MPP1: variants seen among roughly 807,000 people sequenced by gnomAD.
The protein encoded by MPP1 is MAGUK p55 scaffold protein 1, also known as 55 kDa erythrocyte membrane protein.
MPP1 carries 6 observed loss-of-function variants against 38.2 expected under a neutral mutation model. That is an observed-to-expected ratio of 0.16 (90% CI 0.09 to 0.31). The LOEUF is 0.31. Ranked by LOEUF, MPP1 falls within the 10% of genes least tolerant of loss-of-function variation. The pLI, the probability that MPP1 is intolerant of heterozygous loss-of-function variation, is 1.00. For missense variants in MPP1, 293 were observed against 368.9 expected, an observed-to-expected ratio of 0.79 and a Z score of 1.69; for synonymous variants, 153 against 146.3, an observed-to-expected ratio of 1.05 and a Z score of -0.33.
At chrX:154,783,957 T>C (rs2072038707) in intron 8 of MPP1, 71 bp downstream of exon 8, 4 of 990,182 alleles carry the variant, frequency 4.0e-6, no homozygotes, top group Non-Finnish European at 5.7e-6. Context: ...ACTGCCTTTT[T>C]TGGGGGTGGG....
At position 154,792,255 on chromosome X, in the gene MPP1, C is replaced by T. The variant is rs1557267846; in HGVS notation, c.133G>A (p.Glu45Lys). Residue 45 changes from glutamate to lysine, a missense_variant, in exon 2 of 12, where the codon GAG (glutamate) becomes AAG (lysine). Glu to Lys is a moderately conservative substitution (Grantham distance 56). Coordinates refer to ENST00000369534, the MANE Select transcript of MPP1 (RefSeq NM_002436.4). The part of the protein sequence containing the change: ...AVSHPLNTVT[E>K]DMYTNGSPAP... The stretch of plus-strand genomic sequence containing the variant: ...GGAGACCCGTTGGTGTACATGTCCT[C>T]GGTCACAGTATTCAATGGATGCGAT... The T allele has an allele frequency of 5.8e-6, 7 of 1,210,902 alleles. No individual in the cohort carries two copies. The highest frequency in any genetic ancestry group is 5.6e-6 in the Non-Finnish European group (5 of 894,873).
rs915949014 is a variant in MPP1 at position 154,786,310 on chromosome X, T to C, written c.571A>G (p.Ile191Val). ...TCATCCTTGTTGATAATCTGGATAA[T>C]GTCCCCAGTAGCAAACTTCAGTCCC... The part of the protein sequence containing the change: ...EAGLKFATGD[I>V]IQIINKDDSN... Residue 191 changes from isoleucine (I) to valine (V), a missense_variant, in exon 6 of 12, where the codon ATT (isoleucine) becomes GTT (valine). Coordinates refer to ENST00000369534, the MANE Select transcript of MPP1 (RefSeq NM_002436.4). The C allele has an allele frequency of 1.7e-6, 2 of 1,211,682 alleles. No individual in the cohort carries two copies. The highest frequency in any genetic ancestry group is 2.2e-6 in the Non-Finnish European group (2 of 895,411).
intron 10 of MPP1, 33 bp from the exon 11 acceptor site, chrX:154,781,346 G>T (rs782421732): frequency 5.7e-6 from 6 of 1,052,477 alleles, no homozygotes; most frequent in Non-Finnish European, 3.9e-6. Context: ...GCGGGGAGGG[G>T]GGGGAAGGAA....
rs147137829 is a variant in MPP1, at chrX:154,789,932, C to A, written c.480+22G>T. 1.5e-3 allele frequency: 1,712 copies of A among 1,145,072 alleles called. 17 individuals carry two copies. The African/African-American group carries it at 0.026, about 17-fold the overall frequency. The allele number at this position is 1,145,072 out of a possible 1,213,427, so 94.4% of individuals were successfully genotyped here. On this transcript the variant is annotated intron_variant, in intron 5 of 11. Coordinates refer to ENST00000369534, the MANE Select transcript of MPP1 (RefSeq NM_002436.4). ...GGCCCGACTCCTGCCATCATGACAA[C>A]AGAGAAAATGGTGCCACCCACCTGT... is the stretch of plus-strand genomic sequence containing the variant.
At position 154,792,251 on chromosome X, in the gene MPP1, T is replaced by A. The variant is rs1754928781; in HGVS notation, c.137A>T (p.Asp46Val). 1 of 1,210,980 alleles carries A rather than the reference T, an allele frequency of 8.3e-7. No homozygotes were observed. The highest frequency in any genetic ancestry group is 1.7e-5 in the African/African-American group (1 of 57,804). ...GGCAGGAGACCCGTTGGTGTACATGTCCTCGGTCACAGTATTCAATGGATG... is the reference window on the plus strand; with the variant it reads ...GGCAGGAGACCCGTTGGTGTACATGACCTCGGTCACAGTATTCAATGGATG... ...VSHPLNTVTE[D>V]MYTNGSPAPG... Residue 46 changes from aspartate (D) to valine (V), a missense_variant, in exon 2 of 12, where the codon GAC becomes GTC. Transcript: ENST00000369534.
intron 8 of MPP1, 36 bp from the exon 9 acceptor site, chrX:154,783,543 G>A (rs2072034170): frequency 9.0e-7 from 1 of 1,105,146 alleles, no homozygotes. Flanking sequence ...TTGGAAAGGG[G>A]GGAGAGGAGC....
chrX:154,790,019 CT>C lies in MPP1; in HGVS notation c.414del (p.Glu139LysfsTer5). The C allele has an allele frequency of 8.5e-7, 1 of 1,170,844 alleles. No individual in the cohort carries two copies. The highest frequency in any genetic ancestry group is 1.2e-6 in the Non-Finnish European group (1 of 863,721). On this transcript the variant is annotated frameshift_variant and splice_region_variant, in exon 5 of 12. Transcript: ENST00000369534. LOFTEE classifies it high-confidence loss of function. Reference protein sequence around the residue: ...HSVDQLQKAMKETKGMISLKV... With the variant: ...HSVDQLQKAMXETKGMISLKV... ...TTTAATGAGATCATTCCTTTGGTTT[CT>C]TTCTATTAAAAAAAATGGACATAAA...
At chrX:154,780,140 T>G (rs781817193) in intron 11 of MPP1, among the ~76,000 whole-genome samples, 1 of 112,961 alleles carries the variant, frequency 8.9e-6, no homozygotes, top group Middle Eastern at 4.6e-3. Flanking sequence ...TGAGACCCCA[T>G]TTCTACAAAA....
chrX:154,779,170 T>C lies in MPP1; in HGVS notation c.*7A>G, dbSNP rs2071957197. Reference sequence around the variant, plus strand: ...GGGCATACAGTGGGTTCCCCCATTCTACAAGCTTAGTAAACCCAGGAGACA... The same window carrying C: ...GGGCATACAGTGGGTTCCCCCATTCCACAAGCTTAGTAAACCCAGGAGACA... On this transcript the variant is annotated 3_prime_UTR_variant, in exon 12 of 12. Transcript: ENST00000369534. The C allele has an allele frequency of 8.3e-7, 1 of 1,205,191 alleles. No homozygotes were observed. The highest frequency in any genetic ancestry group is 3.0e-5 in the East Asian group (1 of 33,846).
In MPP1 at chrX:154,781,148, G is replaced by A. The variant is rs2071988557; in HGVS notation, c.1224+91C>T. 4 of 823,132 alleles carry A rather than the reference G, an allele frequency of 4.9e-6. No individual in the cohort carries two copies. In the Admixed American group the frequency reaches 1.1e-4, roughly 23 times the overall value. The allele number at this position is 823,132 out of a possible 1,213,427, so 67.8% of individuals were successfully genotyped here. ...AGCCCAGCTGGAGCTGTGACCTCCAGCCAGCACTCTGGCCAATGACCTGGA... is the reference window on the plus strand; with the variant it reads ...AGCCCAGCTGGAGCTGTGACCTCCAACCAGCACTCTGGCCAATGACCTGGA... On this transcript the variant is annotated intron_variant, in intron 11 of 11. Transcript: ENST00000369534.
intron 1 of MPP1, among the ~76,000 whole-genome samples, chrX:154,800,517 C>A (rs1340808183): frequency 8.9e-6 from 1 of 111,981 alleles, no homozygotes; most frequent in Non-Finnish European, 1.9e-5. Context: ...ACAGGAAACT[C>A]AAGTAGCACC....
At chrX:154,801,439 T>C (rs2072259934) in intron 1 of MPP1, among the ~76,000 whole-genome samples, 1 of 110,779 alleles carries the variant, frequency 9.0e-6, no homozygotes. Context: ...CTGCAAGGTA[T>C]CCTAAGCCCT....
At chrX:154,799,170 T>C (rs1196590676) in intron 1 of MPP1, among the ~76,000 whole-genome samples, 2 of 112,204 alleles carry the variant, frequency 1.8e-5, no homozygotes, top group African/African-American at 6.5e-5. Context: ...ATCCCAAAGG[T>C]TGGTCTTTCA....
intron 1 of MPP1, among the ~76,000 whole-genome samples, chrX:154,803,841 C>T (rs2072291518): frequency 8.9e-6 from 1 of 112,073 alleles, no homozygotes; most frequent in South Asian, 3.7e-4. Flanking sequence ...ATAAGACTTC[C>T]AGAAATAAAT....
intron 1 of MPP1, among the ~76,000 whole-genome samples, chrX:154,804,985 C>A (rs1557269015): frequency 8.8e-6 from 1 of 113,162 alleles, no homozygotes; most frequent in Non-Finnish European, 1.9e-5. Context: ...CTTCCGTCCA[C>A]GAGGAAGTTT....
chrX:154,802,877 C>T (rs1392561921), intron 1 of MPP1, among the ~76,000 whole-genome samples: 12 of 112,148 alleles, frequency 1.1e-4, no homozygotes, highest in African/African-American at 3.9e-4. Flanking sequence ...AAACTTTCAG[C>T]AAAATAATTT....
intron 3 of MPP1, 23 bp from the exon 4 acceptor site, chrX:154,791,091 T>C (rs782037533): frequency 1.7e-6 from 2 of 1,178,267 alleles, no homozygotes; most frequent in South Asian, 3.6e-5. Flanking sequence ...GAAAAATCAA[T>C]CCACAAAAGA....
intron 9 of MPP1, 130 bp from the exon 10 acceptor site, chrX:154,781,932 G>C (rs782497340): frequency 1.9e-5 from 11 of 569,677 alleles, no homozygotes; most frequent in Admixed American, 3.2e-5. Flanking sequence ...GGTTCCTCCC[G>C]TGGGCTCCTG....
At chrX:154,799,262 C>T (rs1461834030) in intron 1 of MPP1, among the ~76,000 whole-genome samples, 1 of 111,865 alleles carries the variant, frequency 8.9e-6, no homozygotes, top group Admixed American at 9.4e-5. Flanking sequence ...CAAATGATGA[C>T]TAAGAAAAAC....
Sources: gnomAD v4.1 joint callset for allele counts (sites outside exome capture counted in the v4.1 genomes callset) on GRCh38, gnomAD v4.1.1 for gene constraint, MANE v1.5 for transcripts, NCBI Gene and HGNC (gene_info 2026-07-23, HGNC 2026-07-21) for gene names.